The following VWA8 variants were observed in gnomAD, a reference collection of about 807,000 sequenced individuals.
The protein encoded by VWA8 is von Willebrand factor A domain containing 8.
In VWA8, 221 loss-of-function variants were observed where a neutral mutation model predicts 241.5. The ratio of observed to expected loss-of-function variants is 0.91; its 90% confidence interval spans 0.82 to 1.02. VWA8 has a LOEUF of 1.02. VWA8 is among the 50% of genes least tolerant of loss of function. VWA8 has a pLI of 0.00. For missense variants in VWA8, 2,322 were observed against 2,328.7 expected (o/e 1.00, Z 0.06); for synonymous variants, 852 against 827.1 (o/e 1.03, Z -0.52).
At chr13:41,620,177 G>A (rs565283458) in intron 37 of VWA8, among the ~76,000 whole-genome samples, 176 of 152,074 alleles carry the variant, frequency 1.2e-3, no homozygotes, top group African/African-American at 3.8e-3. Context: ...GGGATTCAAC[G>A]TCTTCCTGGT....
At chr13:41,680,274 T>TC (rs2045089697) in intron 35 of VWA8, among the ~76,000 whole-genome samples, 1 of 152,182 alleles carries the variant, frequency 6.6e-6, no homozygotes, top group Non-Finnish European at 1.5e-5. Context: ...TCTAAATATG[T>TC]TCATATATAT....
chr13:41,648,834 C>T (rs900040172), intron 37 of VWA8, among the ~76,000 whole-genome samples: 58 of 152,254 alleles, frequency 3.8e-4, no homozygotes, highest in African/African-American at 1.4e-3. Flanking sequence ...TAAAGAAATG[C>T]TTTAAGAGAT....
At chr13:41,591,975 C>T (rs1462516687) in intron 40 of VWA8, among the ~76,000 whole-genome samples, 1 of 146,120 alleles carries the variant, frequency 6.8e-6, no homozygotes, top group Non-Finnish European at 1.5e-5. Context: ...GGTATATACC[C>T]AAAGGATTAT....
chr13:41,660,654 A>G (rs1458478415), intron 37 of VWA8, among the ~76,000 whole-genome samples: 1 of 152,092 alleles, frequency 6.6e-6, no homozygotes, highest in Middle Eastern at 3.2e-3. Flanking sequence ...GGGATACCTA[A>G]TCAACTCACT....
intron 12 of VWA8, among the ~76,000 whole-genome samples, chr13:41,861,848 A>G (rs914626689): frequency 6.6e-6 from 1 of 152,140 alleles, no homozygotes; most frequent in Non-Finnish European, 1.5e-5. Flanking sequence ...TAAGAATTAC[A>G]ATTGTTAAAA....
chr13:41,618,040 G>C (rs888323786), intron 37 of VWA8, among the ~76,000 whole-genome samples: 2 of 152,134 alleles, frequency 1.3e-5, no homozygotes, highest in Non-Finnish European at 2.9e-5. Flanking sequence ...CTAGATCCTT[G>C]AGGAACTGCC....
At chr13:41,677,109 A>C (rs2045065647) in intron 35 of VWA8, among the ~76,000 whole-genome samples, 2 of 152,102 alleles carry the variant, frequency 1.3e-5, no homozygotes. Context: ...TGGGATTTCA[A>C]CATTTGGGGT....
At chr13:41,733,152 T>C (rs2045498340) in intron 21 of VWA8, among the ~76,000 whole-genome samples, 1 of 151,586 alleles carries the variant, frequency 6.6e-6, no homozygotes, top group Middle Eastern at 3.4e-3. Flanking sequence ...ACTTGTGAAA[T>C]GTACACCAAA....
chr13:41,713,671 T>C (rs1566425301), intron 26 of VWA8, among the ~76,000 whole-genome samples: 1 of 152,132 alleles, frequency 6.6e-6, no homozygotes, highest in Admixed American at 6.5e-5. Flanking sequence ...TTTTTATATG[T>C]CTGAAAAGGA....
At chr13:41,749,216 AAAG>A (rs1308117058) in intron 21 of VWA8, among the ~76,000 whole-genome samples, 2 of 152,262 alleles carry the variant, frequency 1.3e-5, no homozygotes, top group Non-Finnish European at 2.9e-5. Context: ...ACACTTCTCA[AAAG>A]AAGACATTTA....
intron 19 of VWA8, among the ~76,000 whole-genome samples, chr13:41,779,260 TATACATATAC>T (rs1333276727): frequency 1.3e-5 from 2 of 148,490 alleles, no homozygotes; most frequent in Admixed American, 1.3e-4. Flanking sequence ...AATATTAAAA[TATACATATAC>T]ATACTCACAG....
rs1414885241 is a variant in VWA8 at position 41,699,283 on chromosome 13, A to C, written c.3365-13T>G. The C allele has an allele frequency of 1.5e-5, 24 of 1,613,628 alleles. No homozygotes were observed. The highest frequency in any genetic ancestry group is 1.9e-5 in the Non-Finnish European group (23 of 1,179,660). On this transcript the variant is annotated splice_polypyrimidine_tract_variant and intron_variant, in intron 28 of 44. Coordinates refer to ENST00000379310, the MANE Select transcript of VWA8 (RefSeq NM_015058.2). ...TTTTGCTCATTTTCTGAAATGACAA[A>C]AAGGTGTTAATTTTGTGGCTGGCAA... is the stretch of plus-strand genomic sequence containing the variant.
intron 37 of VWA8, among the ~76,000 whole-genome samples, chr13:41,623,259 T>G (rs766070199): frequency 6.6e-6 from 1 of 152,178 alleles, no homozygotes; most frequent in African/African-American, 2.4e-5. Flanking sequence ...AGCATCCACA[T>G]GGTGACCATG....
At chr13:41,682,202 C>G (rs1236158276) in intron 35 of VWA8, among the ~76,000 whole-genome samples, 2 of 152,096 alleles carry the variant, frequency 1.3e-5, no homozygotes. Context: ...ATAGAGAATC[C>G]AGAAATAGAC....
At chr13:41,903,828 G>C (rs1875574090) in intron 4 of VWA8, among the ~76,000 whole-genome samples, 1 of 152,090 alleles carries the variant, frequency 6.6e-6, no homozygotes, top group South Asian at 2.1e-4. Context: ...ATTATGAACA[G>C]CACAGTAAGG....
chr13:41,689,535 T>C (rs2045161463), intron 33 of VWA8, 27 bp from the exon 34 acceptor site: 1 of 1,552,294 alleles, frequency 6.4e-7, no homozygotes, highest in Non-Finnish European at 8.7e-7. Flanking sequence ...TTAGACACCA[T>C]ATGCTCCTGA....
chr13:41,944,813 TCGGGG>T (rs1254251775), intron 2 of VWA8, among the ~76,000 whole-genome samples: 1 of 148,186 alleles, frequency 6.7e-6, no homozygotes, highest in African/African-American at 2.5e-5. Context: ...CAGCACTAAC[TCGGGG>T]CATTTGTCAA....
At chr13:41,571,552 G>A (rs2044304473) in intron 43 of VWA8, among the ~76,000 whole-genome samples, 1 of 152,202 alleles carries the variant, frequency 6.6e-6, no homozygotes, top group Non-Finnish European at 1.5e-5. Context: ...GTTTCGCCGT[G>A]TTGGCCGGGC....
At chr13:41,631,273 G>A (rs1003204565) in intron 37 of VWA8, among the ~76,000 whole-genome samples, 4 of 152,098 alleles carry the variant, frequency 2.6e-5, no homozygotes, top group African/African-American at 4.8e-5. Flanking sequence ...TCCCACCTAA[G>A]CCTCCCAGAG....
Sources: allele counts gnomAD v4.1 joint callset (sites outside exome capture counted in the v4.1 genomes callset), GRCh38; gene constraint gnomAD v4.1.1; transcripts MANE v1.5; gene names NCBI Gene and HGNC (gene_info 2026-07-23, HGNC 2026-07-21).